Variants in ALKAL1 observed in about 807,000 individuals in gnomAD.
The protein encoded by ALKAL1 is ALK and LTK ligand 1, also known as AUG-beta.
ALKAL1 carries 23 observed loss-of-function variants against 13.5 expected under a neutral mutation model. That is an observed-to-expected ratio of 1.70 (90% confidence interval 1.23 to 2.41). The LOEUF is 2.41. ALKAL1 is among the 30% of genes most tolerant of loss of function. ALKAL1 has a pLI of 0.00. For synonymous variants in ALKAL1, 85 were observed against 77.7 expected (o/e 1.09, Z -0.49); for missense variants, 181 against 178.4 (o/e 1.01, Z -0.08).
At chr8:52,556,147 G>A (rs915842277) in intron 1 of ALKAL1, among the ~76,000 whole-genome samples, 21 of 152,060 alleles carry the variant, frequency 1.4e-4, no homozygotes, top group Admixed American at 2.6e-4. Context: ...TAGATGAGGC[G>A]ATGAAATTCT....
intron 1 of ALKAL1, among the ~76,000 whole-genome samples, chr8:52,543,501 C>G (rs1847334873): frequency 6.6e-6 from 1 of 152,222 alleles, no homozygotes; most frequent in Non-Finnish European, 1.5e-5. Context: ...TATGTGAGTT[C>G]AGGGCCTGGT....
At chr8:52,553,191 T>A (rs545135914) in intron 1 of ALKAL1, among the ~76,000 whole-genome samples, 5 of 152,170 alleles carry the variant, frequency 3.3e-5, no homozygotes, top group Non-Finnish European at 7.4e-5. Flanking sequence ...CTACAAAAAA[T>A]TTTAAAATGA....
intron 3 of ALKAL1, among the ~76,000 whole-genome samples, chr8:52,539,435 G>A (rs770129381): frequency 6.6e-5 from 10 of 151,996 alleles, no homozygotes; most frequent in Non-Finnish European, 1.2e-4. Context: ...TAAATGATGT[G>A]CTATAAAAAA....
At chr8:52,546,379 G>T (rs1337475898) in intron 1 of ALKAL1, among the ~76,000 whole-genome samples, 1 of 152,212 alleles carries the variant, frequency 6.6e-6, no homozygotes, top group Non-Finnish European at 1.5e-5. Flanking sequence ...AAGCAGAAAA[G>T]TTCCTCATTA....
chr8:52,563,541 A>C lies in ALKAL1; in HGVS notation c.190+1526T>G, dbSNP rs113803547. ...TTGAATGAAACAGAAGGTCTGAATG[A>C]ATGTGTGCCCTCCATGTTTCTGTAC... On this transcript the variant is annotated intron_variant, in intron 1 of 4. Coordinates refer to ENST00000358543, the MANE Select transcript of ALKAL1 (RefSeq NM_207413.4). Among the ~76,000 whole-genome samples, 805 of 152,366 alleles carry C rather than the reference A, an allele frequency of 5.3e-3. 7 individuals carry two copies. Among genetic ancestry groups the C allele is most frequent in the African/African-American group, 0.018 (743 of 41,598 alleles).
chr8:52,563,556 T>C lies in ALKAL1; in HGVS notation c.190+1511A>G, dbSNP rs111243859. 5.2e-3 allele frequency among the ~76,000 whole-genome samples: 790 copies of C among 152,368 alleles called. 7 individuals carry two copies. The highest frequency in any genetic ancestry group is 0.018 in the African/African-American group (742 of 41,594). On this transcript the variant is annotated intron_variant, in intron 1 of 4. Transcript: ENST00000358543. ...GGTCTGAATGAATGTGTGCCCTCCA[T>C]GTTTCTGTACTTTGAGAGCCTTTCT...
intron 3 of ALKAL1, 151 bp downstream of exon 3, chr8:52,539,680 C>A (rs1847294197): frequency 1.7e-6 from 1 of 604,042 alleles, no homozygotes; most frequent in Non-Finnish European, 2.8e-6. Context: ...TACACACAAA[C>A]CTTAGGTTCT....
At chr8:52,548,725 A>G (rs945680657) in intron 1 of ALKAL1, among the ~76,000 whole-genome samples, 5 of 151,806 alleles carry the variant, frequency 3.3e-5, no homozygotes, top group Non-Finnish European at 7.4e-5. Flanking sequence ...TCTCTAGGTA[A>G]TGCATGATCA....
intron 1 of ALKAL1, among the ~76,000 whole-genome samples, chr8:52,555,015 C>G (rs867334111): frequency 3.9e-5 from 6 of 151,954 alleles, no homozygotes; most frequent in Middle Eastern, 3.4e-3. Flanking sequence ...ACTAAAAATA[C>G]AAAAAATTAG....
chr8:52,546,757 A>G (rs1266333494), intron 1 of ALKAL1, among the ~76,000 whole-genome samples: 1 of 152,254 alleles, frequency 6.6e-6, no homozygotes, highest in Non-Finnish European at 1.5e-5. Flanking sequence ...TGCGTAAGGG[A>G]TAAATATGTC....
chr8:52,545,660 C>T (rs191782350), intron 1 of ALKAL1, among the ~76,000 whole-genome samples: 42 of 152,182 alleles, frequency 2.8e-4, no homozygotes, highest in African/African-American at 1.0e-3. Context: ...CCAGCTATAC[C>T]CCAATCACCT....
At position 52,549,462 on chromosome 8, in the gene ALKAL1, A is replaced by G. The variant is rs546813078; in HGVS notation, c.191-7017T>C. On this transcript the variant is annotated intron_variant, in intron 1 of 4. Coordinates refer to ENST00000358543, the MANE Select transcript of ALKAL1 (RefSeq NM_207413.4). ...ATATAGTATATATATTAAATATATA[A>G]TAGTAGAAAAAGCTACTTCAACCTC... is the stretch of plus-strand genomic sequence containing the variant. Among the ~76,000 whole-genome samples, 327 of 150,176 alleles carry G rather than the reference A, an allele frequency of 2.2e-3. 1 individual carries two copies. Among genetic ancestry groups the G allele is most frequent in the Middle Eastern group, 3.6e-3 (1 of 280 alleles).
intron 3 of ALKAL1, among the ~76,000 whole-genome samples, chr8:52,539,219 TTAAAA>T (rs1447592003): frequency 6.6e-6 from 1 of 152,184 alleles, no homozygotes; most frequent in Non-Finnish European, 1.5e-5. Flanking sequence ...TTCATGTTCT[TTAAAA>T]GGAAAGTTGA....
chr8:52,534,622 C>T (rs779256678), intron 4 of ALKAL1, 22 bp from the exon 5 acceptor site: 3 of 587,838 alleles, frequency 5.1e-6, no homozygotes, highest in African/African-American at 1.9e-5. Flanking sequence ...AAAGAAGAGC[C>T]ATATCATTTA....
At chr8:52,555,012 A>G (rs1032819031) in intron 1 of ALKAL1, among the ~76,000 whole-genome samples, 16 of 152,062 alleles carry the variant, frequency 1.1e-4, no homozygotes, top group African/African-American at 3.6e-4. Flanking sequence ...TCTACTAAAA[A>G]TACAAAAAAT....
chr8:52,563,448 A>G (rs554008778), intron 1 of ALKAL1, among the ~76,000 whole-genome samples: 2 of 152,188 alleles, frequency 1.3e-5, no homozygotes, highest in South Asian at 4.2e-4. Flanking sequence ...AATAAATAAA[A>G]TATTGTTTTA....
chr8:52,548,515 C>A (rs1052784933), intron 1 of ALKAL1, among the ~76,000 whole-genome samples: 3 of 152,060 alleles, frequency 2.0e-5, no homozygotes, highest in Non-Finnish European at 4.4e-5. Flanking sequence ...ATGTTCCCAA[C>A]ACAAAGAAAT....
Position 52,565,191 on chromosome 8 carries a change from C to G in ALKAL1, c.66G>C (p.Pro22=). The G allele has an allele frequency of 1.5e-6, 2 of 1,359,554 alleles. No individual in the cohort carries two copies. Among genetic ancestry groups the G allele is most frequent in the Non-Finnish European group, 1.9e-6 (2 of 1,047,308 alleles). The allele number at this position is 1,359,554 out of a possible 1,614,324, so 84.2% of individuals were successfully genotyped here. The stretch of plus-strand genomic sequence containing the variant: ...CCCGGGGCCTCCCGTGGGCTCCGTG[C>G]GGGGACAAAGCCAGCGCCAGCAGGA... ...ALFLLALALS[P]HGAHGRPRGR... Residue 22 remains proline, a synonymous_variant, in exon 1 of 5, where the codon CCG becomes CCC. Transcript: ENST00000358543.
chr8:52,546,541 A>G (rs1032301385), intron 1 of ALKAL1, among the ~76,000 whole-genome samples: 4 of 152,258 alleles, frequency 2.6e-5, no homozygotes, highest in African/African-American at 9.6e-5. Context: ...GGCAAGTCTT[A>G]GCTCATAGCT....
Sources: allele counts gnomAD v4.1 joint callset (sites outside exome capture counted in the v4.1 genomes callset), GRCh38; gene constraint gnomAD v4.1.1; transcripts MANE v1.5; gene names NCBI Gene and HGNC (gene_info 2026-07-23, HGNC 2026-07-21).